PCAT7: variants seen among roughly 807,000 people sequenced by gnomAD.
PCAT7 encodes prostate cancer associated transcript 7.
chr9:94,559,159 A>G (rs756426720), intron 2 of PCAT7: 3 of 1,596,630 alleles, frequency 1.9e-6, no homozygotes, highest in Non-Finnish European at 2.6e-6. Context: ...GCAGGTGAGT[A>G]AACTCTGCAA....
intron 3 of PCAT7, among the ~76,000 whole-genome samples, chr9:94,574,625 TTTAAAA>T (rs1213910898): frequency 3.9e-5 from 6 of 152,138 alleles, no homozygotes; most frequent in Non-Finnish European, 7.4e-5. Context: ...GCAGTGCAGT[TTTAAAA>T]TTAAAATTAT....
At chr9:94,568,815 A>G (rs1827231726) in intron 2 of PCAT7, 2 of 152,170 alleles carry the variant, frequency 1.3e-5, no homozygotes. Flanking sequence ...CTAGATAAAA[A>G]TGATTAAGGT....
At chr9:94,570,394 C>T (rs1827254961) in intron 2 of PCAT7, 1 of 152,206 alleles carries the variant, frequency 6.6e-6, no homozygotes, top group East Asian at 1.9e-4. Context: ...TCTCTCTACG[C>T]CTCACTTTCC....
chr9:94,561,246 T>A (rs531138115), intron 2 of PCAT7, among the ~76,000 whole-genome samples: 11 of 152,196 alleles, frequency 7.2e-5, no homozygotes, highest in African/African-American at 2.6e-4. Context: ...TGGAGCCAAG[T>A]TACTTTTGTT....
At chr9:94,557,455 A>G (rs1827028011) in intron 1 of PCAT7, among the ~76,000 whole-genome samples, 3 of 152,070 alleles carry the variant, frequency 2.0e-5, no homozygotes, top group African/African-American at 4.8e-5. Context: ...CCTTTTTGAG[A>G]AGGTGAAAAT....
chr9:94,571,805 ACTT>A (rs533832228), intron 2 of PCAT7, among the ~76,000 whole-genome samples: 220 of 152,284 alleles, frequency 1.4e-3, no homozygotes, highest in Non-Finnish European at 2.1e-3. Flanking sequence ...CCATTCTTGG[ACTT>A]CTTCCTTCCT....
At chr9:94,570,613 C>G (rs1341700040) in intron 2 of PCAT7, 1 of 152,200 alleles carries the variant, frequency 6.6e-6, no homozygotes, top group Admixed American at 6.5e-5. Flanking sequence ...TAGAATTTCT[C>G]AGGGTTTGCC....
At chr9:94,558,262 A>T (rs897584744) in intron 1 of PCAT7, among the ~76,000 whole-genome samples, 10 of 152,118 alleles carry the variant, frequency 6.6e-5, no homozygotes, top group Non-Finnish European at 7.4e-5. Flanking sequence ...AGGATAAGAC[A>T]CTAGGTTCAA....
intron 1 of PCAT7, among the ~76,000 whole-genome samples, chr9:94,556,960 T>TG (rs1392937239): frequency 6.6e-6 from 1 of 152,220 alleles, no homozygotes; most frequent in East Asian, 1.9e-4. Context: ...TGTGTGTTCT[T>TG]GGGGCCTTTG....
At chr9:94,554,734 C>T (rs748371375), upstream of PCAT7, among the ~76,000 whole-genome samples, 12 of 152,180 alleles carry the variant, frequency 7.9e-5, no homozygotes, top group Non-Finnish European at 1.6e-4. Context: ...AGCCTCCCTC[C>T]TACCGCTCCG....
At chr9:94,558,853 T>C (rs1270335098) in intron 1 of PCAT7, 2 of 1,288,924 alleles carry the variant, frequency 1.6e-6, no homozygotes, top group Admixed American at 1.8e-5. Context: ...TGTATACTCA[T>C]AGCTACCATC....
upstream of PCAT7, chr9:94,555,011 G>C (rs571650495): frequency 6.6e-6 from 1 of 152,372 alleles, no homozygotes; most frequent in South Asian, 2.1e-4. Context: ...TTCATGCTGT[G>C]ATTGGTTGTC....
chr9:94,573,589 T>A (rs1827290196), intron 3 of PCAT7, among the ~76,000 whole-genome samples: 1 of 152,200 alleles, frequency 6.6e-6, no homozygotes, highest in Non-Finnish European at 1.5e-5. Context: ...TACGATTATG[T>A]GATTTTTCTT....
At chr9:94,565,753 GAAA>G (rs1475134847) in intron 2 of PCAT7, among the ~76,000 whole-genome samples, 6 of 116,336 alleles carry the variant, frequency 5.2e-5, no homozygotes, top group Admixed American at 9.8e-5. Flanking sequence ...TAGATAGATA[GAAA>G]ATAGATACAT....
chr9:94,556,329 T>C (rs1268869785), intron 1 of PCAT7, among the ~76,000 whole-genome samples: 1 of 150,172 alleles, frequency 6.7e-6, no homozygotes, highest in Non-Finnish European at 1.5e-5. Flanking sequence ...TGGGAGAAAG[T>C]GTTTGGGTAG....
chr9:94,559,073 C>G (rs773401024), exon 2 of PCAT7: 3 of 1,614,114 alleles, frequency 1.9e-6, no homozygotes, highest in Non-Finnish European at 2.5e-6. Context: ...CCGTGGTCGC[C>G]AAGCCTCCTG....
chr9:94,563,157 T>G (rs371399206), intron 2 of PCAT7, among the ~76,000 whole-genome samples: 14 of 152,288 alleles, frequency 9.2e-5, no homozygotes, highest in South Asian at 4.1e-4. Context: ...GCCTGTCGCC[T>G]TCTTCTTCAA....
intron 1 of PCAT7, chr9:94,558,860 C>T: frequency 7.5e-7 from 1 of 1,331,362 alleles, no homozygotes; most frequent in South Asian, 1.2e-5. Flanking sequence ...TCATAGCTAC[C>T]ATCTCTGTTT....
At chr9:94,565,770 TGATAGATAGATA>T (rs34303194) in intron 2 of PCAT7, among the ~76,000 whole-genome samples, 21 of 148,152 alleles carry the variant, frequency 1.4e-4, no homozygotes, top group South Asian at 4.3e-4. Context: ...GATACATAGA[TGATAGATAGATA>T]GATAGATGAT....
Sources: gnomAD v4.1 joint callset for allele counts (sites outside exome capture counted in the v4.1 genomes callset) on GRCh38, gnomAD v4.1.1 for gene constraint, MANE v1.5 for transcripts, NCBI Gene and HGNC (gene_info 2026-07-23, HGNC 2026-07-21) for gene names.